SLC31A1: variants seen among roughly 807,000 people sequenced by gnomAD.
The protein encoded by SLC31A1 is solute carrier family 31 member 1.
SLC31A1 carries 5 observed loss-of-function variants against 17.2 expected under a neutral mutation model. The ratio of observed to expected loss-of-function variants is 0.29; its 90% confidence interval spans 0.15 to 0.61. The LOEUF is 0.61. Among genes scored for constraint, SLC31A1 ranks in the 20% least tolerant of loss-of-function variants. The probability of loss-of-function intolerance (pLI) is 0.86; values close to 1 mark genes in which losing one functional copy is unlikely to be tolerated. For missense variants in SLC31A1, 161 were observed against 241.4 expected, an observed-to-expected ratio of 0.67 and a Z score of 2.21; for synonymous variants, 76 against 78.8, an observed-to-expected ratio of 0.96 and a Z score of 0.19.
At chr9:113,222,575 G>T (rs1340738088) in intron 1 of SLC31A1, among the ~76,000 whole-genome samples, 1 of 152,150 alleles carries the variant, frequency 6.6e-6, no homozygotes, top group East Asian at 1.9e-4. Flanking sequence ...AGTCAGGTTG[G>T]TACTACAGGT....
chr9:113,248,571 T>C (rs1375918954), intron 1 of SLC31A1, among the ~76,000 whole-genome samples: 4 of 143,670 alleles, frequency 2.8e-5, no homozygotes, highest in Admixed American at 7.5e-5. Flanking sequence ...CAGGTTCAAG[T>C]GATTCTCTTG....
In SLC31A1 at chr9:113,258,831, A is replaced by G; in HGVS notation, c.340A>G (p.Thr114Ala). The change falls in exon 4 of 5, where the codon ACC (threonine) becomes GCC (alanine). Residue 114 changes from threonine (T) to alanine (A), a missense_variant. Thr to Ala is a moderately conservative substitution (Grantham distance 58). Coordinates refer to ENST00000374212, the MANE Select transcript of SLC31A1 (RefSeq NM_001859.4). The surrounding 1 kb of genome is among the most constrained non-coding windows in gnomAD (Gnocchi z 4.8). The part of the protein sequence containing the change: ...NSMPVPGPNG[T>A]ILMETHKTVG... Reference sequence around the variant, plus strand: ...CATGCCTGTCCCAGGACCAAATGGAACCATCCTTATGGAGACACACAAAAC... The same window carrying G: ...CATGCCTGTCCCAGGACCAAATGGAGCCATCCTTATGGAGACACACAAAAC... The G allele has an allele frequency of 6.2e-7, 1 of 1,614,236 alleles. No homozygotes were observed. Among genetic ancestry groups the G allele is most frequent in the Non-Finnish European group, 8.5e-7 (1 of 1,180,038 alleles).
Position 113,221,599 on chromosome 9 carries a change from G to A in SLC31A1, c.-115G>A. The stretch of plus-strand genomic sequence containing the variant: ...ACGTCGAGCCGGGTAGAAGTGGAGG[G>A]GCCGTTCGAAGAGTCGTGAGGGGGT... On this transcript the variant is annotated 5_prime_UTR_variant, in exon 1 of 5. Transcript: ENST00000374212. 2.4e-6 allele frequency: 1 copy of A among 408,478 alleles called. No homozygotes were observed. The allele number at this position is 408,478 out of a possible 1,614,324, so 25.3% of individuals were successfully genotyped here. A position where few individuals can be genotyped will look rare whatever the true frequency, so the allele number is the denominator to read the frequency against.
chr9:113,262,534 T>C lies in SLC31A1; in HGVS notation c.*2061T>C, dbSNP rs1192045994. 6.6e-6 allele frequency: 1 copy of C among 152,646 alleles called. No individual in the cohort carries two copies. The highest frequency in any genetic ancestry group is 1.5e-5 in the Non-Finnish European group (1 of 68,070). The allele number at this position is 152,646 out of a possible 1,614,324, so 9.5% of individuals were successfully genotyped here. ...TTTCTCTGTGGGTGCCAGTTAAATATTGGAGAGCAAGGAATGTGGACTTGT... is the reference window on the plus strand; with the variant it reads ...TTTCTCTGTGGGTGCCAGTTAAATACTGGAGAGCAAGGAATGTGGACTTGT... On this transcript the variant is annotated 3_prime_UTR_variant, in exon 5 of 5. Coordinates refer to ENST00000374212, the MANE Select transcript of SLC31A1 (RefSeq NM_001859.4).
chr9:113,256,497 G>A (rs10759636), intron 2 of SLC31A1: 205,519 of 449,454 alleles, frequency 0.46, 49,202 homozygotes, highest in South Asian at 0.58. Context: ...TTTCTTTGGT[G>A]GTCCCTTCTG....
At chr9:113,246,974 A>G (rs1469013449) in intron 1 of SLC31A1, among the ~76,000 whole-genome samples, 1 of 152,246 alleles carries the variant, frequency 6.6e-6, no homozygotes, top group African/African-American at 2.4e-5. Context: ...AGGGGCAATC[A>G]AAACAAAGCC....
chr9:113,223,216 T>C (rs751866483), intron 1 of SLC31A1: 25 of 452,350 alleles, frequency 5.5e-5, no homozygotes, highest in African/African-American at 4.8e-4. Flanking sequence ...CGAACATGCA[T>C]ACGCAGATTA....
intron 1 of SLC31A1, among the ~76,000 whole-genome samples, chr9:113,248,974 G>T (rs1465672771): frequency 6.6e-6 from 1 of 152,084 alleles, no homozygotes; most frequent in African/African-American, 2.4e-5. Context: ...GATAATAGCT[G>T]CCATTTATCA....
At chr9:113,253,311 C>T (rs959876108) in intron 1 of SLC31A1, among the ~76,000 whole-genome samples, 3 of 152,242 alleles carry the variant, frequency 2.0e-5, no homozygotes, top group South Asian at 4.1e-4. Context: ...TATGATCACT[C>T]AGATGCCAGT....
At chr9:113,229,603 T>C (rs1177308298) in intron 1 of SLC31A1, among the ~76,000 whole-genome samples, 1 of 152,224 alleles carries the variant, frequency 6.6e-6, no homozygotes, top group Non-Finnish European at 1.5e-5. Context: ...ACTCCTGTTA[T>C]AAGTAACTTT....
At chr9:113,236,820 C>A (rs574954968) in intron 1 of SLC31A1, among the ~76,000 whole-genome samples, 1 of 152,188 alleles carries the variant, frequency 6.6e-6, no homozygotes, top group Non-Finnish European at 1.5e-5. Flanking sequence ...TCTAGTCTTA[C>A]ATTTTTCAAA....
At chr9:113,233,338 T>C (rs765622389) in intron 1 of SLC31A1, among the ~76,000 whole-genome samples, 1 of 152,200 alleles carries the variant, frequency 6.6e-6, no homozygotes, top group Non-Finnish European at 1.5e-5. Flanking sequence ...GCTTCCTCCT[T>C]GTGTTTTTTT....
intron 1 of SLC31A1, among the ~76,000 whole-genome samples, chr9:113,237,272 C>T (rs938088517): frequency 1.3e-5 from 2 of 152,176 alleles, no homozygotes; most frequent in Non-Finnish European, 2.9e-5. Flanking sequence ...GACACAACTG[C>T]TCTGGAGGGG....
chr9:113,255,973 G>T (rs1034847462), intron 1 of SLC31A1, 141 bp from the exon 2 acceptor site: 1 of 585,188 alleles, frequency 1.7e-6, no homozygotes, highest in Non-Finnish European at 2.8e-6. Context: ...CTCCTGTACT[G>T]ATCAGTAGTG....
intron 1 of SLC31A1, among the ~76,000 whole-genome samples, chr9:113,248,002 A>C (rs761748575): frequency 2.0e-5 from 3 of 152,114 alleles, no homozygotes; most frequent in Admixed American, 6.6e-5. Context: ...CAATTCCTAG[A>C]CCATTTCTCA....
chr9:113,244,479 G>A (rs1292486965), intron 1 of SLC31A1, among the ~76,000 whole-genome samples: 2 of 152,132 alleles, frequency 1.3e-5, no homozygotes, highest in Non-Finnish European at 2.9e-5. Context: ...GGTGAAGAAA[G>A]AGAAAATATC....
At position 113,256,243 on chromosome 9, in the gene SLC31A1, C is replaced by T. The variant is rs758747312; in HGVS notation, c.95C>T (p.Ser32Phe). 4.3e-6 allele frequency: 7 copies of T among 1,614,024 alleles called. No individual in the cohort carries two copies. In the East Asian group the frequency reaches 1.3e-4, roughly 31 times the overall value. ...HHHPTTSASH[S>F]HGGGDSSMMM... ...CACCCAACCACTTCAGCCTCACACT[C>T]CCATGGTGGAGGAGACAGCAGCATG... The change falls in exon 2 of 5, where the codon TCC becomes TTC. Residue 32 changes from serine to phenylalanine, a missense_variant. Ser to Phe is a radical substitution (Grantham distance 155). Transcript: ENST00000374212.
chr9:113,233,292 A>G (rs1831420488), intron 1 of SLC31A1, among the ~76,000 whole-genome samples: 1 of 152,188 alleles, frequency 6.6e-6, no homozygotes, highest in African/African-American at 2.4e-5. Flanking sequence ...AATAGCTGCC[A>G]TAATAAAGAA....
At chr9:113,250,465 G>C (rs1241219229) in intron 1 of SLC31A1, among the ~76,000 whole-genome samples, 1 of 149,694 alleles carries the variant, frequency 6.7e-6, no homozygotes, top group Non-Finnish European at 1.5e-5. Flanking sequence ...ACTTATAGGT[G>C]GGAATTGAAC....
Sources: allele counts gnomAD v4.1 joint callset (sites outside exome capture counted in the v4.1 genomes callset), GRCh38; gene constraint gnomAD v4.1.1; non-coding constraint Gnocchi (gnomAD v3.1); transcripts MANE v1.5; gene names NCBI Gene and HGNC (gene_info 2026-07-23, HGNC 2026-07-21).